The following KCNG3 variants were observed in gnomAD, a reference collection of about 807,000 sequenced individuals.
The protein encoded by KCNG3 is voltage-gated potassium channel regulatory subunit KCNG3.
Under a neutral mutation model 29.0 loss-of-function variants are expected in KCNG3, and 15 were observed. The observed-to-expected ratio is 0.52, with a 90% CI of 0.35 to 0.80. KCNG3 has a LOEUF of 0.80. KCNG3 is among the 30% of genes least tolerant of loss of function. The probability of loss-of-function intolerance (pLI) is 0.01; values close to 1 mark genes in which losing one functional copy is unlikely to be tolerated. For synonymous variants in KCNG3, 322 were observed against 248.9 expected, an observed-to-expected ratio of 1.29 and a Z score of -2.76; for missense variants, 512 against 605.7, an observed-to-expected ratio of 0.85 and a Z score of 1.62.
intron 1 of KCNG3, among the ~76,000 whole-genome samples, chr2:42,476,342 T>G (rs1002955380): frequency 2.0e-5 from 3 of 151,596 alleles, no homozygotes; most frequent in Non-Finnish European, 4.4e-5. Context: ...CCAGGTACAG[T>G]GGCACAGGCC....
In KCNG3 at chr2:42,444,091, G is replaced by C; in HGVS notation, c.1154C>G (p.Pro385Arg). The C allele has an allele frequency of 6.2e-7, 1 of 1,614,146 alleles. No individual in the cohort carries two copies. The highest frequency in any genetic ancestry group is 8.5e-7 in the Non-Finnish European group (1 of 1,180,026). ...ACAAACTCCTCCAAGAATTCTTCCA[G>C]GCACTGTGATAGGATACATATCTCC... The part of the protein sequence containing the change: ...GYGDMYPITV[P>R]GRILGGVCVV... Residue 385 changes from proline (P) to arginine (R), a missense_variant, in exon 2 of 2, where the codon CCT (proline) becomes CGT (arginine). Transcript: ENST00000306078. The surrounding 1 kb of genome is among the most constrained non-coding windows in gnomAD (Gnocchi z 5.8).
At chr2:42,403,477 G>GTTTTTTTT in the KCNG3 span, among the ~76,000 whole-genome samples, 3 of 87,762 alleles carry the variant, frequency 3.4e-5, no homozygotes, top group Non-Finnish European at 4.4e-5. Flanking sequence ...TTTCTTTTCT[G>GTTTTTTTT]TTTTTTTTTT....
At chr2:42,459,603 G>A (rs796885012) in intron 1 of KCNG3, among the ~76,000 whole-genome samples, 35 of 152,290 alleles carry the variant, frequency 2.3e-4, no homozygotes, top group African/African-American at 8.2e-4. Flanking sequence ...ATGAGTGACT[G>A]CCTAATGTAT....
the KCNG3 span, among the ~76,000 whole-genome samples, chr2:42,395,686 G>T: frequency 6.6e-6 from 1 of 152,170 alleles, no homozygotes; most frequent in Non-Finnish European, 1.5e-5. Context: ...CAGCCATGTT[G>T]ACTCACGCCT....
At chr2:42,410,035 C>G in the KCNG3 span, among the ~76,000 whole-genome samples, 1 of 152,128 alleles carries the variant, frequency 6.6e-6, no homozygotes. Flanking sequence ...TTTCCCACCC[C>G]CTTCCCACAC....
chr2:42,476,306 T>C (rs1290777133), intron 1 of KCNG3, among the ~76,000 whole-genome samples: 1 of 149,654 alleles, frequency 6.7e-6, no homozygotes, highest in Non-Finnish European at 1.5e-5. Flanking sequence ...ACCCAGTCTC[T>C]ACAAAAAAAA....
chr2:42,409,982 T>C, the KCNG3 span, among the ~76,000 whole-genome samples: 1 of 152,120 alleles, frequency 6.6e-6, no homozygotes, highest in African/African-American at 2.4e-5. Context: ...GGGCCCCACT[T>C]AGAACTTTTG....
chr2:42,424,420 T>A, the KCNG3 span, among the ~76,000 whole-genome samples: 1 of 144,976 alleles, frequency 6.9e-6, no homozygotes, highest in Non-Finnish European at 1.5e-5. Context: ...CTATGAAAAT[T>A]CCCCCTCCGT....
the KCNG3 span, among the ~76,000 whole-genome samples, chr2:42,407,449 G>A: frequency 1.7e-4 from 26 of 152,282 alleles, no homozygotes; most frequent in Admixed American, 9.2e-4. Context: ...TGTCTGGAGC[G>A]GATGCTGCCA....
At chr2:42,399,338 C>T in the KCNG3 span, among the ~76,000 whole-genome samples, 23 of 152,080 alleles carry the variant, frequency 1.5e-4, no homozygotes, top group South Asian at 1.0e-3. Flanking sequence ...GGATTACAGG[C>T]GTGAGCCACC....
chr2:42,402,192 T>G, the KCNG3 span, among the ~76,000 whole-genome samples: 47,095 of 152,050 alleles, frequency 0.31, 7,573 homozygotes, highest in East Asian at 0.57. Context: ...CCCTTGGACA[T>G]CAGAACCCCT....
At chr2:42,425,312 T>A in the KCNG3 span, among the ~76,000 whole-genome samples, 1 of 145,902 alleles carries the variant, frequency 6.9e-6, no homozygotes, top group Non-Finnish European at 1.5e-5. Context: ...GGCACGAGAA[T>A]CGCTTGAACC....
the KCNG3 span, among the ~76,000 whole-genome samples, chr2:42,414,855 T>A: frequency 6.6e-6 from 1 of 152,232 alleles, no homozygotes; most frequent in Non-Finnish European, 1.5e-5. Context: ...TAAATTTCAA[T>A]GACTATCTTT....
At chr2:42,455,174 G>A (rs1672848401) in intron 1 of KCNG3, among the ~76,000 whole-genome samples, 2 of 152,000 alleles carry the variant, frequency 1.3e-5, no homozygotes, top group South Asian at 2.1e-4. Flanking sequence ...ATATTTTGTA[G>A]AGCTGAGATC....
chr2:42,448,112 A>G (rs1306502952), intron 1 of KCNG3, among the ~76,000 whole-genome samples: 1 of 152,162 alleles, frequency 6.6e-6, no homozygotes, highest in Non-Finnish European at 1.5e-5. Context: ...AGCAATGTTG[A>G]GCATCTTTGC....
At chr2:42,448,175 C>T (rs1672651707) in intron 1 of KCNG3, among the ~76,000 whole-genome samples, 1 of 152,134 alleles carries the variant, frequency 6.6e-6, no homozygotes, top group Non-Finnish European at 1.5e-5. Flanking sequence ...CTCACAAAGG[C>T]TTTAATCTGC....
intron 1 of KCNG3, among the ~76,000 whole-genome samples, chr2:42,461,182 CAAAAAAAAAA>C (rs34199989): frequency 5.3e-5 from 3 of 56,422 alleles, no homozygotes; most frequent in Non-Finnish European, 1.0e-4. Context: ...CAAAACAAAA[CAAAAAAAAAA>C]AAAAAAAAAA....
chr2:42,489,128 C>A lies in KCNG3; in HGVS notation c.665+3709G>T, dbSNP rs548654818. On this transcript the variant is annotated intron_variant, in intron 1 of 1. Transcript: ENST00000306078. ...TGGGCAACATAGTAAGACCCCATAT[C>A]GAACTCCTGACCTTGTGATCTGCCC... Among the ~76,000 whole-genome samples the A allele has an allele frequency of 1.1e-3, 158 of 150,324 alleles. 2 individuals carry two copies. The highest frequency in any genetic ancestry group is 3.0e-4 in the Non-Finnish European group (20 of 67,600).
At chr2:42,450,958 A>G (rs1418838652) in intron 1 of KCNG3, among the ~76,000 whole-genome samples, 2 of 152,158 alleles carry the variant, frequency 1.3e-5, no homozygotes, top group Non-Finnish European at 2.9e-5. Context: ...TAATCCTAGC[A>G]CTTTGGGAGG....
Sources: allele counts gnomAD v4.1 joint callset (sites outside exome capture counted in the v4.1 genomes callset), GRCh38; gene constraint gnomAD v4.1.1; non-coding constraint Gnocchi (gnomAD v3.1); transcripts MANE v1.5; gene names NCBI Gene and HGNC (gene_info 2026-07-23, HGNC 2026-07-21).